CSTA: variants seen among roughly 807,000 people sequenced by gnomAD.
CSTA encodes the protein cystatin-A.
CSTA carries 9 observed loss-of-function variants against 9.2 expected under a neutral mutation model. The ratio of observed to expected loss-of-function variants is 0.97; its 90% confidence interval spans 0.59 to 1.70. The LOEUF is 1.70. Among genes scored for constraint, CSTA ranks in the 40% most tolerant of loss-of-function variants. CSTA has a pLI of 0.00. For synonymous variants in CSTA, 36 were observed against 40.6 expected (o/e 0.89, Z 0.43); for missense variants, 118 against 113.1 (o/e 1.04, Z -0.20).
intron 2 of CSTA, among the ~76,000 whole-genome samples, chr3:122,340,779 A>C (rs1027828670): frequency 5.3e-5 from 8 of 152,344 alleles, no homozygotes; most frequent in Admixed American, 3.9e-4. Flanking sequence ...AAGTGTCCCA[A>C]GTTGAGAGTC....
At chr3:122,337,861 T>G in intron 2 of CSTA, 1 of 554,022 alleles carries the variant, frequency 1.8e-6, no homozygotes, top group East Asian at 3.2e-5. Flanking sequence ...ATTACATTGA[T>G]TCTTGATTTC....
chr3:122,334,392 G>A (rs912280482), intron 1 of CSTA, among the ~76,000 whole-genome samples: 3 of 152,108 alleles, frequency 2.0e-5, no homozygotes, highest in African/African-American at 7.2e-5. Context: ...AGGGAGGATT[G>A]TTTGAGTCCG....
intron 2 of CSTA, among the ~76,000 whole-genome samples, chr3:122,340,510 G>T (rs1028299760): frequency 3.3e-5 from 5 of 152,070 alleles, no homozygotes; most frequent in African/African-American, 1.2e-4. Flanking sequence ...CACCATGTTG[G>T]CCAGGTTTGT....
chr3:122,327,848 T>G (rs549437798), intron 1 of CSTA, among the ~76,000 whole-genome samples: 4 of 152,116 alleles, frequency 2.6e-5, no homozygotes, highest in Non-Finnish European at 5.9e-5. Context: ...TAATGATTTT[T>G]AAAAAAATCT....
At chr3:122,333,740 G>A in intron 1 of CSTA, among the ~76,000 whole-genome samples, 1 of 150,306 alleles carries the variant, frequency 6.7e-6, no homozygotes, top group East Asian at 1.9e-4. Flanking sequence ...GAAAGAGAAA[G>A]AAAGAAAAGA....
chr3:122,328,988 C>T (rs951934716), intron 1 of CSTA, among the ~76,000 whole-genome samples: 4 of 148,296 alleles, frequency 2.7e-5, no homozygotes, highest in South Asian at 2.2e-4. Context: ...TTTTTTTTGA[C>T]GGAATCTCGC....
intron 1 of CSTA, among the ~76,000 whole-genome samples, chr3:122,326,950 A>G (rs1395297244): frequency 6.6e-6 from 1 of 152,184 alleles, no homozygotes; most frequent in Non-Finnish European, 1.5e-5. Context: ...TTTAAAAGTC[A>G]GGGTGCAGGC....
chr3:122,329,029 G>T (rs146375625), intron 1 of CSTA, among the ~76,000 whole-genome samples: 2 of 150,674 alleles, frequency 1.3e-5, no homozygotes. Context: ...GCGGTGGCAC[G>T]GTCTCGGCTC....
intron 2 of CSTA, chr3:122,337,872 T>C: frequency 1.9e-6 from 1 of 533,198 alleles, no homozygotes; most frequent in South Asian, 2.0e-5. Flanking sequence ...TCTTGATTTC[T>C]GGAAATTGTA....
chr3:122,336,320 A>G (rs1278963509), intron 1 of CSTA, among the ~76,000 whole-genome samples: 1 of 152,188 alleles, frequency 6.6e-6, no homozygotes, highest in Non-Finnish European at 1.5e-5. Context: ...AAAGTAAGGA[A>G]GTGCTTATAA....
At chr3:122,339,007 C>T (rs2075250335) in intron 2 of CSTA, among the ~76,000 whole-genome samples, 3 of 152,046 alleles carry the variant, frequency 2.0e-5, no homozygotes, top group South Asian at 4.1e-4. Flanking sequence ...GCCACCGATC[C>T]CAGTTCCCTT....
chr3:122,331,845 T>A (rs973563540), intron 1 of CSTA, among the ~76,000 whole-genome samples: 6 of 152,124 alleles, frequency 3.9e-5, no homozygotes, highest in African/African-American at 1.4e-4. Context: ...AGGCCAGCTG[T>A]CCCCAACCTT....
rs774674645 is a variant in CSTA at position 122,337,632 on chromosome 3, C to T, written c.152C>T (p.Thr51Ile). The T allele has an allele frequency of 1.2e-6, 2 of 1,605,140 alleles. No homozygotes were observed. The highest frequency in any genetic ancestry group is 1.7e-6 in the Non-Finnish European group (2 of 1,171,870). The change falls in exon 2 of 3, where the codon ACA becomes ATA. Residue 51 changes from threonine (T) to isoleucine (I), a missense_variant. Coordinates refer to ENST00000264474, the MANE Select transcript of CSTA (RefSeq NM_005213.4). ...VQYKTQVVAG[T>I]NYYIKVRAGD... ...TATAAAACTCAAGTTGTTGCTGGAA[C>T]AAATTACTACATTAAGGTTAGAGTT...
Position 122,337,473 on chromosome 3 carries a change from TC to T in CSTA, c.67-71del, listed in dbSNP as rs2075242380. 7 of 981,316 alleles carry T rather than the reference TC, an allele frequency of 7.1e-6. No homozygotes were observed. In the East Asian group the frequency reaches 1.7e-4, roughly 23 times the overall value. The allele number at this position is 981,316 out of a possible 1,614,324, so 60.8% of individuals were successfully genotyped here. A position where few individuals can be genotyped will look rare whatever the true frequency, so the allele number is the denominator to read the frequency against. ...TTGAAGACTTTTAGGAGGATGAGGT[TC>T]CCAGATGGGTACATTGCATACATGG... is the stretch of plus-strand genomic sequence containing the variant. On this transcript the variant is annotated intron_variant, in intron 1 of 2. Coordinates refer to ENST00000264474, the MANE Select transcript of CSTA (RefSeq NM_005213.4).
Position 122,325,926 on chromosome 3 carries a change from C to T in CSTA, c.66+568C>T, listed in dbSNP as rs77382134. Reference sequence around the variant, plus strand: ...CAGAGGTGACAGTCTATAGTGACTCCGAAATGTCATAGGGCACCAAATTAT... The same window carrying T: ...CAGAGGTGACAGTCTATAGTGACTCTGAAATGTCATAGGGCACCAAATTAT... On this transcript the variant is annotated intron_variant, in intron 1 of 2. Transcript: ENST00000264474. Among the ~76,000 whole-genome samples the T allele has an allele frequency of 1.2e-3, 179 of 152,194 alleles. 1 individual carries two copies. The highest frequency in any genetic ancestry group is 3.9e-3 in the African/African-American group (163 of 41,528).
At chr3:122,332,745 C>T (rs919771872) in intron 1 of CSTA, among the ~76,000 whole-genome samples, 2 of 152,150 alleles carry the variant, frequency 1.3e-5, no homozygotes, top group African/African-American at 2.4e-5. Context: ...CTTGAGCTCC[C>T]GTCACCATCA....
chr3:122,341,451 G>A lies in CSTA; in HGVS notation c.181G>A (p.Asp61Asn), dbSNP rs1559983608. The change falls in exon 3 of 3, where the codon GAT becomes AAT. Residue 61 changes from aspartate (D) to asparagine (N), a missense_variant. Transcript: ENST00000264474. ...TAATATTTTTCAGGTACGAGCAGGT[G>A]ATAATAAATATATGCACTTGAAAGT... ...TNYYIKVRAG[D>N]NKYMHLKVFK... is the part of the protein sequence containing the mutation. 9 of 1,613,968 alleles carry A rather than the reference G, an allele frequency of 5.6e-6. No individual in the cohort carries two copies. Among genetic ancestry groups the A allele is most frequent in the African/African-American group, 2.7e-5 (2 of 75,014 alleles).
At chr3:122,339,491 C>T (rs987784484) in intron 2 of CSTA, among the ~76,000 whole-genome samples, 4 of 152,152 alleles carry the variant, frequency 2.6e-5, no homozygotes, top group Non-Finnish European at 4.4e-5. Context: ...AGGATTTGAA[C>T]CCAGATAGAC....
rs573421490 is a variant in CSTA at position 122,336,269 on chromosome 3, A to G, written c.67-1278A>G. 8.5e-5 allele frequency among the ~76,000 whole-genome samples: 13 copies of G among 152,318 alleles called. 1 individual carries two copies. The highest frequency in any genetic ancestry group is 7.8e-4 in the Admixed American group (12 of 15,300). On this transcript the variant is annotated intron_variant, in intron 1 of 2. Transcript: ENST00000264474. ...CCAGTGAGGAGGCAAGGAAACTTCAAGATAAACCTGGAACATCTGACTCTA... is the reference window on the plus strand; with the variant it reads ...CCAGTGAGGAGGCAAGGAAACTTCAGGATAAACCTGGAACATCTGACTCTA...
Sources: allele counts gnomAD v4.1 joint callset (sites outside exome capture counted in the v4.1 genomes callset), GRCh38; gene constraint gnomAD v4.1.1; transcripts MANE v1.5; gene names NCBI Gene and HGNC (gene_info 2026-07-23, HGNC 2026-07-21).